Variants in EFCAB8 observed in about 807,000 individuals in gnomAD.
The protein encoded by EFCAB8 is EF-hand calcium-binding domain-containing protein 8.
A neutral mutation model predicts 116.3 loss-of-function variants in EFCAB8; 100 were observed. The ratio of observed to expected loss-of-function variants is 0.86; its 90% CI spans 0.73 to 1.02. The LOEUF (loss-of-function observed/expected upper bound fraction) is 1.02, where lower values mean the gene tolerates loss of function less well. EFCAB8 is among the 50% of genes least tolerant of loss of function. EFCAB8 has a pLI of 0.00. For synonymous variants in EFCAB8, 558 were observed against 567.9 expected, an observed-to-expected ratio of 0.98 and a Z score of 0.25; for missense variants, 1,320 against 1,416.9, an observed-to-expected ratio of 0.93 and a Z score of 1.10.
chr20:32,935,183 TCTTTC>T (rs1568939540), intron 22 of EFCAB8, among the ~76,000 whole-genome samples: 51 of 108,074 alleles, frequency 4.7e-4, no homozygotes, highest in African/African-American at 2.2e-3. Context: ...TTTCTTTCTT[TCTTTC>T]TTTCTTTTTT....
chr20:32,931,397 G>T, intron 22 of EFCAB8, 61 bp downstream of exon 22: 2 of 1,445,666 alleles, frequency 1.4e-6, no homozygotes, highest in South Asian at 3.0e-5. Flanking sequence ...AATGAGCTAG[G>T]ACCATAAACT....
chr20:32,949,970 A>G (rs1269220314), intron 23 of EFCAB8, among the ~76,000 whole-genome samples: 1 of 151,972 alleles, frequency 6.6e-6, no homozygotes, highest in African/African-American at 2.4e-5. Flanking sequence ...ACTGCACTGC[A>G]GCCTGGGCAA....
intron 11 of EFCAB8, among the ~76,000 whole-genome samples, chr20:32,901,068 A>G (rs1986404408): frequency 6.6e-6 from 1 of 152,230 alleles, no homozygotes; most frequent in Admixed American, 6.5e-5. Context: ...AGCTCCCTGC[A>G]GGCCGGAAAA....
rs199678162 is a variant in EFCAB8 at position 32,901,329 on chromosome 20, T to TA, written c.1088+2711dup. Among the ~76,000 whole-genome samples the TA allele has an allele frequency of 8.9e-3, 1,362 of 152,330 alleles. 10 individuals carry two copies. Among genetic ancestry groups the TA allele is most frequent in the South Asian group, 0.02 (98 of 4,832 alleles). On this transcript the variant is annotated intron_variant, in intron 11 of 26. Coordinates refer to ENST00000400522, the MANE Select transcript of EFCAB8 (RefSeq NM_001143967.2). The stretch of plus-strand genomic sequence containing the variant: ...CACTAACAATAGCTGATGAGCTAAA[T>TA]AAAAATCACAAAAAAGTCTCATAAT...
At chr20:32,958,648 G>C in intron 24 of EFCAB8, 98 bp downstream of exon 24, 2 of 403,040 alleles carry the variant, frequency 5.0e-6, no homozygotes, top group Non-Finnish European at 4.5e-6. Context: ...GTTGGGTAGA[G>C]CTAGGCATGG....
intron 11 of EFCAB8, among the ~76,000 whole-genome samples, chr20:32,904,675 G>A (rs1600406443): frequency 6.6e-6 from 1 of 150,900 alleles, no homozygotes; most frequent in Non-Finnish European, 1.5e-5. Flanking sequence ...ACCCAGGCTG[G>A]GAGTGCAGTG....
chr20:32,935,361 C>T (rs965157092), intron 22 of EFCAB8, among the ~76,000 whole-genome samples: 18 of 151,410 alleles, frequency 1.2e-4, no homozygotes, highest in Non-Finnish European at 2.1e-4. Flanking sequence ...CTACCACACC[C>T]GGCTAATTTT....
chr20:32,934,742 C>T (rs1332471674), intron 22 of EFCAB8, among the ~76,000 whole-genome samples: 1 of 152,192 alleles, frequency 6.6e-6, no homozygotes, highest in Non-Finnish European at 1.5e-5. Flanking sequence ...TTCCCCTGCT[C>T]ATGCTCTCTT....
In EFCAB8 at chr20:32,929,593, C is replaced by T. The variant is rs184857092; in HGVS notation, c.2413-805C>T. Among the ~76,000 whole-genome samples, 268 of 150,818 alleles carry T rather than the reference C, an allele frequency of 1.8e-3. 2 individuals carry two copies. The highest frequency in any genetic ancestry group is 3.0e-3 in the Non-Finnish European group (205 of 67,822). On this transcript the variant is annotated intron_variant, in intron 20 of 26. Transcript: ENST00000400522. ...CTGGGCTCAAGTGATTCACCCGCCTCGGCCTCCCAAAGTGCTAGGATTACA... is the reference window on the plus strand; with the variant it reads ...CTGGGCTCAAGTGATTCACCCGCCTTGGCCTCCCAAAGTGCTAGGATTACA...
intron 23 of EFCAB8, among the ~76,000 whole-genome samples, chr20:32,950,945 G>C (rs1568948540): frequency 6.6e-6 from 1 of 152,154 alleles, no homozygotes; most frequent in Admixed American, 6.5e-5. Flanking sequence ...CGGTGCTCCT[G>C]CTCTGTCATT....
rs1431932292 is a variant in EFCAB8, at chr20:32,920,216, GT to G, written c.2412+3del. 38 of 1,551,626 alleles carry G rather than the reference GT, an allele frequency of 2.4e-5. No individual in the cohort carries two copies. The highest frequency in any genetic ancestry group is 3.1e-5 in the Non-Finnish European group (35 of 1,146,962). On this transcript the variant is annotated splice_donor_variant, in intron 20 of 26. Transcript: ENST00000400522. LOFTEE classifies it high-confidence loss of function. ...TCAATCCAGTGCCTCGGTGGAGAAG[GT>G]TGGCCGTGATCAGCCAGGGAGAGGG...
chr20:32,938,983 C>CCCTT (rs150137986), intron 22 of EFCAB8, among the ~76,000 whole-genome samples: 1 of 120,540 alleles, frequency 8.3e-6, no homozygotes, highest in Non-Finnish European at 1.7e-5. Flanking sequence ...TCTTTTCCTT[C>CCCTT]CCTTCCTTCC....
intron 9 of EFCAB8, among the ~76,000 whole-genome samples, chr20:32,895,648 T>G (rs965120662): frequency 1.3e-5 from 2 of 150,602 alleles, no homozygotes; most frequent in African/African-American, 4.8e-5. Context: ...CTTGGCTCAC[T>G]GCCACCTCTG....
intron 7 of EFCAB8, among the ~76,000 whole-genome samples, chr20:32,890,494 A>AACCTCCATG (rs11167184): frequency 0.57 from 86,222 of 151,474 alleles, 24,695 homozygotes; most frequent in Middle Eastern, 0.72. Context: ...TCCAGACTGG[A>AACCTCCATG]AGGTCAGGGA....
At chr20:32,910,738 CTTTTTTTTTTT>C (rs34185318) in intron 15 of EFCAB8, among the ~76,000 whole-genome samples, 2 of 107,308 alleles carry the variant, frequency 1.9e-5, no homozygotes, top group South Asian at 2.8e-4. Flanking sequence ...TCACTTGCTA[CTTTTTTTTTTT>C]TTTTTTTTTT....
At chr20:32,918,781 G>A (rs1213822994) in intron 19 of EFCAB8, among the ~76,000 whole-genome samples, 1 of 152,164 alleles carries the variant, frequency 6.6e-6, no homozygotes, top group Non-Finnish European at 1.5e-5. Flanking sequence ...CTGGGGCTAG[G>A]TCCCTTTCCA....
At chr20:32,859,640 T>A (rs953154307) in intron 1 of EFCAB8, among the ~76,000 whole-genome samples, 7 of 152,246 alleles carry the variant, frequency 4.6e-5, no homozygotes. Flanking sequence ...AGAACTTCCC[T>A]TTGTCCAGAT....
chr20:32,935,192 C>CTTTTT (rs753039647), intron 22 of EFCAB8, among the ~76,000 whole-genome samples: 668 of 34,024 alleles, frequency 0.02, 48 homozygotes, highest in Non-Finnish European at 0.025. Flanking sequence ...TTCTTTCTTT[C>CTTTTT]TTTTTTTTTT....
chr20:32,914,367 G>A (rs1987085110), intron 17 of EFCAB8, among the ~76,000 whole-genome samples: 2 of 152,160 alleles, frequency 1.3e-5, no homozygotes, highest in African/African-American at 4.8e-5. Context: ...GTTGCCTTCA[G>A]GGTCATTCTT....
Sources: gnomAD v4.1 joint callset for allele counts (sites outside exome capture counted in the v4.1 genomes callset) on GRCh38, gnomAD v4.1.1 for gene constraint, MANE v1.5 for transcripts, NCBI Gene and HGNC (gene_info 2026-07-23, HGNC 2026-07-21) for gene names.